Variants in RASSF6 observed in about 807,000 individuals in gnomAD.
RASSF6 encodes the protein ras association domain-containing protein 6.
A neutral mutation model predicts 44.0 loss-of-function variants in RASSF6; 52 were observed. The observed-to-expected ratio is 1.18, with a 90% CI of 0.95 to 1.49. The LOEUF (loss-of-function observed/expected upper bound fraction) is 1.49, where lower values mean the gene tolerates loss of function less well. Ranked by LOEUF, RASSF6 falls within the 40% of genes most tolerant of loss-of-function variation. RASSF6 has a pLI of 0.00. For missense variants in RASSF6, 464 were observed against 393.3 expected, an observed-to-expected ratio of 1.18 and a Z score of -1.52; for synonymous variants, 162 against 124.6, an observed-to-expected ratio of 1.30 and a Z score of -2.00.
Position 73,571,914 on chromosome 4 carries a change from G to C in RASSF6, c.*4321C>G, listed in dbSNP as rs1247673. On this transcript the variant is annotated 3_prime_UTR_variant, in exon 11 of 11. Coordinates refer to ENST00000307439, the MANE Select transcript of RASSF6 (RefSeq NM_177532.5). ...TTCTTGCATTATGCAAAAATGATTC[G>C]AAAATAAACTATTTTTTTCCCAGAA... is the stretch of plus-strand genomic sequence containing the variant. 1 of 152,224 alleles carries C rather than the reference G, an allele frequency of 6.6e-6. No homozygotes were observed. Among genetic ancestry groups the C allele is most frequent in the African/African-American group, 2.4e-5 (1 of 41,448 alleles). 9.4% of individuals were successfully genotyped at this position (152,224 alleles called of 1,614,324 possible). A position where few individuals can be genotyped will look rare whatever the true frequency, so the allele number is the denominator to read the frequency against.
Position 73,593,459 on chromosome 4 carries a change from G to T in RASSF6, c.279C>A (p.Ser93=). 6.2e-7 allele frequency: 1 copy of T among 1,601,376 alleles called. No homozygotes were observed. The highest frequency in any genetic ancestry group is 8.5e-7 in the Non-Finnish European group (1 of 1,176,212). The change falls in exon 4 of 11, where the codon TCC becomes TCA. Residue 93 remains serine, a synonymous_variant. Coordinates refer to ENST00000307439, the MANE Select transcript of RASSF6 (RefSeq NM_177532.5). Reference sequence around the variant, plus strand: ...CATGAAAGATAGCTTACCCTTTGCTGGAGAAGACGTCTGATGACTTCATAC... The same window carrying T: ...CATGAAAGATAGCTTACCCTTTGCTTGAGAAGACGTCTGATGACTTCATAC... The part of the protein sequence containing the change: ...FTSMKSSDVF[S]SKGMTRWGEF...
At chr4:73,601,511 T>G (rs1725276073) in intron 2 of RASSF6, among the ~76,000 whole-genome samples, 1 of 152,242 alleles carries the variant, frequency 6.6e-6, no homozygotes, top group Admixed American at 6.5e-5. Context: ...TTTTGATTAT[T>G]AATTGGATTT....
Position 73,611,824 on chromosome 4 carries a change from G to T in RASSF6, c.-29C>A. ...TTCCTCCTTTTTGAGATGGTCTGAGGATATCCTAAACATGAGAATAATATT... is the reference window on the plus strand; with the variant it reads ...TTCCTCCTTTTTGAGATGGTCTGAGTATATCCTAAACATGAGAATAATATT... On this transcript the variant is annotated 5_prime_UTR_variant, in exon 2 of 11. Transcript: ENST00000307439. 2 of 1,592,368 alleles carry T rather than the reference G, an allele frequency of 1.3e-6. No homozygotes were observed. Among genetic ancestry groups the T allele is most frequent in the Non-Finnish European group, 1.7e-6 (2 of 1,161,148 alleles).
intron 2 of RASSF6, among the ~76,000 whole-genome samples, chr4:73,600,756 T>C (rs1725231883): frequency 6.6e-6 from 1 of 152,194 alleles, no homozygotes; most frequent in Non-Finnish European, 1.5e-5. Context: ...TCCTCCATAC[T>C]GTTGGTTCAT....
At chr4:73,577,993 A>G (rs907471883) in intron 8 of RASSF6, among the ~76,000 whole-genome samples, 2 of 152,222 alleles carry the variant, frequency 1.3e-5, no homozygotes, top group Admixed American at 6.5e-5. Context: ...TCTGTTTTCC[A>G]GATTACTGCC....
At chr4:73,598,585 T>TGC (rs928505781) in intron 3 of RASSF6, 55 bp downstream of exon 3, 19 of 824,052 alleles carry the variant, frequency 2.3e-5, no homozygotes, top group Admixed American at 2.3e-4. Flanking sequence ...TGTGTGTGTG[T>TGC]GCACGCATGT....
intron 2 of RASSF6, among the ~76,000 whole-genome samples, chr4:73,610,801 C>A (rs911983341): frequency 3.3e-5 from 5 of 152,130 alleles, no homozygotes; most frequent in African/African-American, 1.2e-4. Context: ...GACTGCATCC[C>A]GACTTTATGA....
At chr4:73,603,645 G>A (rs921169987) in intron 2 of RASSF6, among the ~76,000 whole-genome samples, 1 of 152,176 alleles carries the variant, frequency 6.6e-6, no homozygotes, top group Admixed American at 6.5e-5. Context: ...GGAATTACCC[G>A]CATTCTGACG....
chr4:73,611,290 TG>T (rs150348246), intron 2 of RASSF6, among the ~76,000 whole-genome samples: 282 of 152,270 alleles, frequency 1.9e-3, no homozygotes, highest in African/African-American at 6.7e-3. Flanking sequence ...CAAGAAAAGC[TG>T]TGGATGTTGG....
At chr4:73,612,838 G>A (rs988852837) in intron 1 of RASSF6, among the ~76,000 whole-genome samples, 13 of 152,060 alleles carry the variant, frequency 8.5e-5, no homozygotes, top group African/African-American at 3.1e-4. Context: ...TACAGCCCAA[G>A]TCCCTTAACC....
At position 73,581,258 on chromosome 4, in the gene RASSF6, A is replaced by T. The variant is rs185312228; in HGVS notation, c.721+559T>A. 3.9e-4 allele frequency among the ~76,000 whole-genome samples: 60 copies of T among 152,256 alleles called. 1 individual carries two copies. Among genetic ancestry groups the T allele is most frequent in the Admixed American group, 2.4e-3 (37 of 15,274 alleles). ...AAACTTTCATTTCAGTATCACTTTA[A>T]GTTTTCTCTATTCTCTCTATTATGC... On this transcript the variant is annotated intron_variant, in intron 8 of 10. Transcript: ENST00000307439.
intron 2 of RASSF6, among the ~76,000 whole-genome samples, chr4:73,605,858 T>A (rs189769229): frequency 6.6e-6 from 1 of 152,354 alleles, no homozygotes; most frequent in African/African-American, 2.4e-5. Flanking sequence ...TGACTTGCAT[T>A]TCTCTGATTA....
At chr4:73,604,452 C>T (rs550173128) in intron 2 of RASSF6, 3 of 152,428 alleles carry the variant, frequency 2.0e-5, no homozygotes, top group East Asian at 3.8e-4. Context: ...CCAGCCTGAG[C>T]GACAGTGAGA....
intron 2 of RASSF6, among the ~76,000 whole-genome samples, chr4:73,609,429 G>A (rs1224349696): frequency 6.6e-6 from 1 of 152,112 alleles, no homozygotes; most frequent in Non-Finnish European, 1.5e-5. Context: ...AATACCCTTT[G>A]AACAGGGAAG....
chr4:73,590,091 T>C (rs1240560969), intron 4 of RASSF6, among the ~76,000 whole-genome samples: 1 of 152,218 alleles, frequency 6.6e-6, no homozygotes, highest in Non-Finnish European at 1.5e-5. Flanking sequence ...TTCTCTTTTG[T>C]TATGAAAGAT....
At chr4:73,582,859 C>T (rs1009347788) in intron 6 of RASSF6, among the ~76,000 whole-genome samples, 2 of 151,790 alleles carry the variant, frequency 1.3e-5, no homozygotes, top group Non-Finnish European at 2.9e-5. Flanking sequence ...CACACACACA[C>T]GGCATTTGTG....
Position 73,598,620 on chromosome 4 carries a change from C to A in RASSF6, c.144+20G>T. 1 of 1,369,738 alleles carries A rather than the reference C, an allele frequency of 7.3e-7. No homozygotes were observed. 84.8% of individuals were successfully genotyped at this position (1,369,738 alleles called of 1,614,324 possible). On this transcript the variant is annotated intron_variant, in intron 3 of 10. Transcript: ENST00000307439. Reference sequence around the variant, plus strand: ...TGTGTGTGTGAATAACACCGGATTGCCTTTCTTCAGTGGGCTTACCTCTCC... The same window carrying A: ...TGTGTGTGTGAATAACACCGGATTGACTTTCTTCAGTGGGCTTACCTCTCC...
chr4:73,620,149 G>A, intron 1 of RASSF6, 139 bp downstream of exon 1: 1 of 431,774 alleles, frequency 2.3e-6, no homozygotes, highest in Non-Finnish European at 4.0e-6. Flanking sequence ...AAAAGGAAAA[G>A]GCATGTGTGC....
chr4:73,617,998 A>G (rs578043517), intron 1 of RASSF6, among the ~76,000 whole-genome samples: 43 of 152,324 alleles, frequency 2.8e-4, no homozygotes, highest in Non-Finnish European at 5.7e-4. Flanking sequence ...TTGGGTTTCT[A>G]TCTCAGTTAA....
Sources: gnomAD v4.1 joint callset for allele counts (sites outside exome capture counted in the v4.1 genomes callset) on GRCh38, gnomAD v4.1.1 for gene constraint, MANE v1.5 for transcripts, NCBI Gene and HGNC (gene_info 2026-07-23, HGNC 2026-07-21) for gene names.